The following TAOK3 variants were observed in gnomAD, a reference collection of about 807,000 sequenced individuals.
TAOK3 encodes the protein TAO kinase 3, also known as serine/threonine-protein kinase TAO3.
In TAOK3, 40 loss-of-function variants were observed where a neutral mutation model predicts 120.4. The ratio of observed to expected loss-of-function variants is 0.33; its 90% CI spans 0.26 to 0.43. The LOEUF (loss-of-function observed/expected upper bound fraction) is 0.43. TAOK3 is among the 20% of genes least tolerant of loss of function. The pLI, the probability that TAOK3 is intolerant of heterozygous loss-of-function variation, is 1.00. For synonymous variants in TAOK3, 355 were observed against 387.5 expected (o/e 0.92, Z 0.99); for missense variants, 821 against 1,112.1 (o/e 0.74, Z 3.72).
intron 1 of TAOK3, among the ~76,000 whole-genome samples, chr12:118,316,259 C>T (rs1752768375): frequency 6.6e-6 from 1 of 152,160 alleles, no homozygotes; most frequent in Non-Finnish European, 1.5e-5. Flanking sequence ...TTTAACTTCC[C>T]TTTAACTGCA....
In TAOK3 at chr12:118,181,917, G is replaced by T. The variant is rs532837105; in HGVS notation, c.1330-310C>A. 6.5e-4 allele frequency among the ~76,000 whole-genome samples: 99 copies of T among 152,320 alleles called. 1 individual carries two copies. The highest frequency in any genetic ancestry group is 2.3e-3 in the African/African-American group (94 of 41,562). The stretch of plus-strand genomic sequence containing the variant: ...CTCTTTATTCAGGCCGGGCACGATG[G>T]CTTACGCCTGTAATCCCAGTACTTT... On this transcript the variant is annotated intron_variant, in intron 14 of 20. Coordinates refer to ENST00000392533, the MANE Select transcript of TAOK3 (RefSeq NM_016281.4).
intron 2 of TAOK3, among the ~76,000 whole-genome samples, chr12:118,262,555 G>C (rs988983009): frequency 6.6e-6 from 1 of 151,868 alleles, no homozygotes; most frequent in Non-Finnish European, 1.5e-5. Context: ...GGCCGGGTGC[G>C]GTGGCTCACG....
At chr12:118,218,585 T>C (rs1370798191) in intron 9 of TAOK3, among the ~76,000 whole-genome samples, 1 of 152,206 alleles carries the variant, frequency 6.6e-6, no homozygotes, top group Non-Finnish European at 1.5e-5. Flanking sequence ...AAAAAAAGTC[T>C]ATACATGTTC....
intron 1 of TAOK3, among the ~76,000 whole-genome samples, chr12:118,285,535 T>C (rs920112529): frequency 6.6e-6 from 1 of 151,878 alleles, no homozygotes; most frequent in Admixed American, 6.6e-5. Context: ...CTATTTTTAG[T>C]AGAGAGGGGT....
chr12:118,243,435 A>G lies in TAOK3; in HGVS notation c.274T>C (p.Leu92=). The G allele has an allele frequency of 3.8e-6, 6 of 1,571,174 alleles. No individual in the cohort carries two copies. Among genetic ancestry groups the G allele is most frequent in the Non-Finnish European group, 5.2e-6 (6 of 1,162,396 alleles). The part of the protein sequence containing the change: ...PNTIEYKGCY[L]KEHTAWLVME... The stretch of plus-strand genomic sequence containing the variant: ...CTTACCCAAGCAGTGTGTTCTTTCA[A>G]GTAACAGCCTTTGTACTCAATAGTA... The change falls in exon 5 of 21, where the codon TTG becomes CTG. Residue 92 remains leucine, a synonymous_variant. Transcript: ENST00000392533.
intron 2 of TAOK3, among the ~76,000 whole-genome samples, chr12:118,265,433 G>C (rs1214153630): frequency 6.8e-6 from 1 of 146,102 alleles, no homozygotes; most frequent in East Asian, 2.0e-4. Context: ...GAATATCAGA[G>C]AGGTGAACAC....
At chr12:118,345,649 G>T (rs1040179472) in intron 1 of TAOK3, among the ~76,000 whole-genome samples, 2 of 151,500 alleles carry the variant, frequency 1.3e-5, no homozygotes, top group Admixed American at 1.3e-4. Context: ...GAGTGCCTTT[G>T]TCAGGACATA....
chr12:118,255,523 G>A lies in TAOK3; in HGVS notation c.45C>T (p.Phe15=). 1.2e-6 allele frequency: 2 copies of A among 1,614,102 alleles called. No individual in the cohort carries two copies. The highest frequency in any genetic ancestry group is 2.2e-5 in the South Asian group (2 of 91,080). The part of the protein sequence containing the change: ...VLKDPEIADL[F]YKDDPEELFI... ...AAAGTTCCTCAGGATCATCTTTGTAGAATAGATCGGCAATCTCTGGGTCCT... is the reference window on the plus strand; with the variant it reads ...AAAGTTCCTCAGGATCATCTTTGTAAAATAGATCGGCAATCTCTGGGTCCT... The change falls in exon 3 of 21, where the codon TTC becomes TTT. Residue 15 remains phenylalanine, a synonymous_variant. Coordinates refer to ENST00000392533, the MANE Select transcript of TAOK3 (RefSeq NM_016281.4).
intron 1 of TAOK3, among the ~76,000 whole-genome samples, chr12:118,343,206 T>C (rs1353122581): frequency 2.0e-5 from 3 of 151,866 alleles, no homozygotes; most frequent in African/African-American, 7.3e-5. Flanking sequence ...GATGGGCAGA[T>C]CACCAGAGGT....
At chr12:118,272,801 G>A (rs889571084) in intron 1 of TAOK3, among the ~76,000 whole-genome samples, 1 of 151,698 alleles carries the variant, frequency 6.6e-6, no homozygotes, top group African/African-American at 2.4e-5. Flanking sequence ...TGAGACCCCC[G>A]TCTCTATGAA....
At position 118,160,085 on chromosome 12, in the gene TAOK3, A is replaced by G; in HGVS notation, c.2352+61T>C. 1 of 1,324,798 alleles carries G rather than the reference A, an allele frequency of 7.5e-7. No individual in the cohort carries two copies. The highest frequency in any genetic ancestry group is 1.1e-6 in the Non-Finnish European group (1 of 919,242). The allele number at this position is 1,324,798 out of a possible 1,614,324, so 82.1% of individuals were successfully genotyped here. A position where few individuals can be genotyped will look rare whatever the true frequency, so the allele number is the denominator to read the frequency against. On this transcript the variant is annotated intron_variant, in intron 19 of 20. Coordinates refer to ENST00000392533, the MANE Select transcript of TAOK3 (RefSeq NM_016281.4). The surrounding 1 kb of genome is among the most constrained non-coding windows in gnomAD (Gnocchi z 4.2). Reference sequence around the variant, plus strand: ...AATCATCTTGGGAACAACAGGCTGGATCTTGGATTTTCTTGATTCCCAAAG... The same window carrying G: ...AATCATCTTGGGAACAACAGGCTGGGTCTTGGATTTTCTTGATTCCCAAAG...
intron 3 of TAOK3, among the ~76,000 whole-genome samples, chr12:118,248,336 A>G (rs189576261): frequency 9.2e-5 from 14 of 152,242 alleles, no homozygotes; most frequent in Admixed American, 2.0e-4. Context: ...CCACAAAAGC[A>G]TATTTTAGAT....
chr12:118,170,769 A>C (rs975476405), intron 17 of TAOK3, among the ~76,000 whole-genome samples: 60 of 152,268 alleles, frequency 3.9e-4, no homozygotes, highest in African/African-American at 1.4e-3. Context: ...TCTCCACAAA[A>C]AAATGTTCAG....
chr12:118,294,737 G>A (rs1321016916), intron 1 of TAOK3, among the ~76,000 whole-genome samples: 2 of 152,022 alleles, frequency 1.3e-5, no homozygotes, highest in African/African-American at 4.8e-5. Context: ...CTGGCTTTTT[G>A]TCATTCAGTA....
intron 9 of TAOK3, among the ~76,000 whole-genome samples, chr12:118,227,508 C>T (rs915520541): frequency 2.6e-5 from 4 of 151,876 alleles, no homozygotes; most frequent in Admixed American, 2.0e-4. Flanking sequence ...AAAAACAATC[C>T]TATATATGAA....
chr12:118,350,892 A>G (rs1430089196), intron 1 of TAOK3, among the ~76,000 whole-genome samples: 6 of 143,636 alleles, frequency 4.2e-5, no homozygotes, highest in African/African-American at 1.0e-4. Context: ...AAAAGAAAAA[A>G]AAAAGGCCAG....
chr12:118,347,272 C>T (rs2044904257), intron 1 of TAOK3, among the ~76,000 whole-genome samples: 1 of 152,160 alleles, frequency 6.6e-6, no homozygotes, highest in African/African-American at 2.4e-5. Flanking sequence ...TTAGGCCTCC[C>T]CAAGTGCTGG....
At chr12:118,239,897 C>T (rs374399611) in intron 5 of TAOK3, among the ~76,000 whole-genome samples, 5 of 151,996 alleles carry the variant, frequency 3.3e-5, no homozygotes, top group Admixed American at 1.3e-4. Context: ...CTAGGTGCAG[C>T]GGCTCACGCC....
chr12:118,268,838 G>A (rs2041571090), intron 1 of TAOK3, among the ~76,000 whole-genome samples: 1 of 151,964 alleles, frequency 6.6e-6, no homozygotes, highest in African/African-American at 2.4e-5. Flanking sequence ...GAGAAACCCT[G>A]TCTCTACTAA....
Sources: gnomAD v4.1 joint callset for allele counts (sites outside exome capture counted in the v4.1 genomes callset) on GRCh38, gnomAD v4.1.1 for gene constraint, Gnocchi (gnomAD v3.1) non-coding constraint, MANE v1.5 for transcripts, NCBI Gene and HGNC (gene_info 2026-07-23, HGNC 2026-07-21) for gene names.